The following KLF7 variants were observed in gnomAD, a reference collection of about 807,000 sequenced individuals.
KLF7 encodes the protein KLF transcription factor 7, also known as Krueppel-like factor 7.
In KLF7, 2 loss-of-function variants were observed where a neutral mutation model predicts 27.3. That is an observed-to-expected ratio of 0.07 (90% confidence interval 0.03 to 0.23). The LOEUF (loss-of-function observed/expected upper bound fraction) is 0.23, where lower values mean the gene tolerates loss of function less well. Among genes scored for constraint, KLF7 ranks in the 10% least tolerant of loss-of-function variants. KLF7 has a pLI of 1.00. For synonymous variants in KLF7, 165 were observed against 162.4 expected (o/e 1.02, Z -0.12); for missense variants, 221 against 394.1 (o/e 0.56, Z 3.72).
rs78889176 is a variant in KLF7 at position 207,111,397 on chromosome 2, G to A, written c.733+12377C>T. 3.9e-3 allele frequency among the ~76,000 whole-genome samples: 590 copies of A among 152,304 alleles called. 3 individuals are homozygous for A. The highest frequency in any genetic ancestry group is 0.014 in the African/African-American group (567 of 41,544). On this transcript the variant is annotated intron_variant, in intron 2 of 3. Transcript: ENST00000309446. ...GGGTGTCCAGCTACAGGCTGAGAGG[G>A]GCTGAATCTGGCTCTGCTCCTCAAG... is the stretch of plus-strand genomic sequence containing the variant.
rs1216071843 is a variant in KLF7, at chr2:207,080,799, A to G, written c.*414T>C. 1.2e-5 allele frequency: 5 copies of G among 402,162 alleles called. No homozygotes were observed. In the Admixed American group the frequency reaches 1.3e-4, roughly 10 times the overall value. The allele number at this position is 402,162 out of a possible 1,614,324, so 24.9% of individuals were successfully genotyped here. A position where few individuals can be genotyped will look rare whatever the true frequency, so the allele number is the denominator to read the frequency against. The stretch of plus-strand genomic sequence containing the variant: ...GATTCTCCTATCAAGTTGCACTGAG[A>G]AGCAAGTGAAATAAGCCCCTCGGAC... On this transcript the variant is annotated 3_prime_UTR_variant, in exon 4 of 4. Transcript: ENST00000309446.
chr2:207,087,725 A>C (rs1248968274), intron 3 of KLF7, among the ~76,000 whole-genome samples: 2 of 152,164 alleles, frequency 1.3e-5, no homozygotes, highest in Non-Finnish European at 2.9e-5. Flanking sequence ...TCTAAACCTA[A>C]TCCTGCCTTC....
chr2:207,104,095 T>C (rs1336755011), intron 2 of KLF7, among the ~76,000 whole-genome samples: 1 of 152,102 alleles, frequency 6.6e-6, no homozygotes, highest in Non-Finnish European at 1.5e-5. Context: ...AAATGTGGCA[T>C]TGATTAGAAA....
chr2:207,121,490 C>A (rs2077339130), intron 2 of KLF7: 1 of 152,126 alleles, frequency 6.6e-6, no homozygotes, highest in Admixed American at 6.5e-5. Context: ...GAGGTAGACA[C>A]AATTGTCTCT....
chr2:207,107,860 G>A (rs2076920872), intron 2 of KLF7, among the ~76,000 whole-genome samples: 1 of 152,188 alleles, frequency 6.6e-6, no homozygotes, highest in Non-Finnish European at 1.5e-5. Flanking sequence ...AACTTCAGTG[G>A]GTTCGCTGTC....
Position 207,126,939 on chromosome 2 carries a change from T to C in KLF7, c.103-2535A>G, listed in dbSNP as rs138547591. 9.2e-3 allele frequency among the ~76,000 whole-genome samples: 1,407 copies of C among 152,342 alleles called. 14 individuals are homozygous for C. Among genetic ancestry groups the C allele is most frequent in the Non-Finnish European group, 0.015 (1,034 of 68,034 alleles). The stretch of plus-strand genomic sequence containing the variant: ...GTGAATAGAGTTTTTGTATGCCATT[T>C]ATTTACATACTATCCAGCCCAAAGA... On this transcript the variant is annotated intron_variant, in intron 1 of 3. Coordinates refer to ENST00000309446, the MANE Select transcript of KLF7 (RefSeq NM_003709.4).
chr2:207,167,261 G>A (rs2078742871), upstream of KLF7: 1 of 911,242 alleles, frequency 1.1e-6, no homozygotes, highest in Non-Finnish European at 1.5e-6. Flanking sequence ...TGAAAACCCT[G>A]CACAATTCAC....
chr2:207,120,005 T>C (rs2077294963), intron 2 of KLF7, among the ~76,000 whole-genome samples: 1 of 152,138 alleles, frequency 6.6e-6, no homozygotes, highest in Non-Finnish European at 1.5e-5. Context: ...TTATGTCCAT[T>C]TTTATATGCT....
At chr2:207,114,098 G>A (rs1033600390) in intron 2 of KLF7, among the ~76,000 whole-genome samples, 13 of 152,068 alleles carry the variant, frequency 8.5e-5, no homozygotes, top group African/African-American at 2.7e-4. Flanking sequence ...AATACATACC[G>A]TCATTTTGCC....
chr2:207,147,997 A>G (rs2078143733), intron 1 of KLF7, among the ~76,000 whole-genome samples: 1 of 152,122 alleles, frequency 6.6e-6, no homozygotes, highest in South Asian at 2.1e-4. Flanking sequence ...TTTAATAGTT[A>G]AGCTTCTACC....
At chr2:207,089,038 C>A (rs1054247787) in intron 2 of KLF7, among the ~76,000 whole-genome samples, 1 of 152,238 alleles carries the variant, frequency 6.6e-6, no homozygotes, top group African/African-American at 2.4e-5. Flanking sequence ...TCTTCTCCCT[C>A]CCCTTCCCTC....
upstream of KLF7, among the ~76,000 whole-genome samples, chr2:207,172,146 T>C (rs1038765858): frequency 6.6e-6 from 1 of 152,092 alleles, no homozygotes; most frequent in Non-Finnish European, 1.5e-5. Context: ...AAACAGATCA[T>C]AGAAACTGAA....
upstream of KLF7, among the ~76,000 whole-genome samples, chr2:207,171,129 T>G (rs2078781385): frequency 6.6e-6 from 1 of 151,068 alleles, no homozygotes; most frequent in Non-Finnish European, 1.5e-5. Context: ...TAGAAGAAGT[T>G]GATCCCAACC....
intron 1 of KLF7, among the ~76,000 whole-genome samples, chr2:207,128,197 G>A (rs2077533421): frequency 6.6e-6 from 1 of 152,208 alleles, no homozygotes; most frequent in Non-Finnish European, 1.5e-5. Context: ...ATAAAGTGAT[G>A]AAGTCATGTC....
intron 2 of KLF7, chr2:207,121,097 T>C (rs1490681869): frequency 6.6e-6 from 1 of 152,244 alleles, no homozygotes; most frequent in Non-Finnish European, 1.5e-5. Flanking sequence ...GCAAGGTAAC[T>C]GCTTTCTATG....
At chr2:207,085,922 T>A (rs889892825) in intron 3 of KLF7, among the ~76,000 whole-genome samples, 3 of 152,074 alleles carry the variant, frequency 2.0e-5, no homozygotes, top group Non-Finnish European at 4.4e-5. Context: ...CAGATCTGAT[T>A]TTTCCAGACA....
intron 1 of KLF7, among the ~76,000 whole-genome samples, chr2:207,128,808 G>A (rs890993570): frequency 1.3e-5 from 2 of 152,156 alleles, no homozygotes; most frequent in Admixed American, 1.3e-4. Context: ...TATTCTTTAA[G>A]TGCTGGGTCA....
Position 207,124,177 on chromosome 2 carries a change from G to T in KLF7, c.330C>A (p.Leu110=). ...SRDKLLSETC[L]SLQPASSSLD... ...GAGAAGAGCTGGCCGGCTGGAGGCT[G>T]AGGCAGGTCTCAGATAGCAACTTGT... is the stretch of plus-strand genomic sequence containing the variant. Residue 110 remains leucine, a synonymous_variant, in exon 2 of 4, where the codon CTC becomes CTA. Transcript: ENST00000309446. The T allele has an allele frequency of 6.2e-7, 1 of 1,614,194 alleles. No homozygotes were observed. The highest frequency in any genetic ancestry group is 8.5e-7 in the Non-Finnish European group (1 of 1,180,038).
At chr2:207,095,031 C>T (rs373703887) in intron 2 of KLF7, among the ~76,000 whole-genome samples, 82 of 82,380 alleles carry the variant, frequency 1.0e-3, no homozygotes, top group Middle Eastern at 0.016. Flanking sequence ...TGTTTTTATT[C>T]TTTTTTTTTT....
Sources: allele counts gnomAD v4.1 joint callset (sites outside exome capture counted in the v4.1 genomes callset), GRCh38; gene constraint gnomAD v4.1.1; transcripts MANE v1.5; gene names NCBI Gene and HGNC (gene_info 2026-07-23, HGNC 2026-07-21).